KAZN: variants seen among roughly 807,000 people sequenced by gnomAD.
KAZN encodes kazrin, periplakin interacting protein.
In KAZN, 40 loss-of-function variants were observed where a neutral mutation model predicts 87.4. The observed-to-expected ratio is 0.46, with a 90% confidence interval of 0.36 to 0.60. The LOEUF is 0.60. KAZN is among the 20% of genes least tolerant of loss of function. KAZN has a pLI of 0.00. For missense variants in KAZN, 898 were observed against 1,073.9 expected (o/e 0.84, Z 2.29); for synonymous variants, 466 against 458.3 (o/e 1.02, Z -0.22).
chr1:14,243,554 G>C (rs1649177804), intron 2 of KAZN, among the ~76,000 whole-genome samples: 1 of 152,148 alleles, frequency 6.6e-6, no homozygotes, highest in African/African-American at 2.4e-5. Context: ...TAGGTGAGCA[G>C]GAAACAGTCA....
At chr1:14,890,758 C>T (rs923238683) in intron 1 of KAZN, among the ~76,000 whole-genome samples, 13 of 151,678 alleles carry the variant, frequency 8.6e-5, no homozygotes, top group Non-Finnish European at 1.5e-4. Context: ...CAAACTCCTA[C>T]GCTCAAGTAA....
At chr1:14,892,055 T>G (rs1203963857) in intron 1 of KAZN, among the ~76,000 whole-genome samples, 6 of 152,112 alleles carry the variant, frequency 3.9e-5, no homozygotes, top group Non-Finnish European at 8.8e-5. Context: ...GCCTCTGGCC[T>G]CTGGTGTGGT....
chr1:14,030,237 A>G (rs1254610199), intron 1 of KAZN, among the ~76,000 whole-genome samples: 1 of 151,662 alleles, frequency 6.6e-6, no homozygotes, highest in East Asian at 1.9e-4. Context: ...CTTTGAAGCA[A>G]TTGTGAATGG....
intron 2 of KAZN, among the ~76,000 whole-genome samples, chr1:14,188,343 C>T (rs906358853): frequency 6.6e-6 from 1 of 151,882 alleles, no homozygotes; most frequent in African/African-American, 2.4e-5. Flanking sequence ...TGAGATGTTG[C>T]AAAAGATATA....
chr1:15,069,202 C>T (rs905129594), intron 8 of KAZN, among the ~76,000 whole-genome samples: 3 of 152,118 alleles, frequency 2.0e-5, no homozygotes, highest in Non-Finnish European at 2.9e-5. Context: ...CAGACATCAC[C>T]AATCAATTGA....
At chr1:14,258,899 G>A (rs890120090) in intron 2 of KAZN, among the ~76,000 whole-genome samples, 5 of 152,156 alleles carry the variant, frequency 3.3e-5, no homozygotes, top group African/African-American at 7.2e-5. Flanking sequence ...GTCAACACAC[G>A]TTTATTGCAT....
intron 1 of KAZN, among the ~76,000 whole-genome samples, chr1:14,094,305 AT>A (rs1471993566): frequency 6.6e-6 from 1 of 152,164 alleles, no homozygotes; most frequent in Non-Finnish European, 1.5e-5. Flanking sequence ...CTGGAGGGCA[AT>A]TTGGAAAGCT....
At chr1:14,250,566 TA>T (rs201421355) in intron 2 of KAZN, among the ~76,000 whole-genome samples, 67 of 149,376 alleles carry the variant, frequency 4.5e-4, no homozygotes, top group African/African-American at 1.3e-3. Context: ...TTATGAGAGT[TA>T]AAAAAAAAGT....
At chr1:14,166,171 TG>T (rs770743234) in intron 1 of KAZN, among the ~76,000 whole-genome samples, 3 of 152,110 alleles carry the variant, frequency 2.0e-5, no homozygotes, top group Non-Finnish European at 4.4e-5. Flanking sequence ...AAAAATTAGC[TG>T]GGCATGGTGG....
At chr1:14,792,729 G>A (rs1257874902) in intron 1 of KAZN, among the ~76,000 whole-genome samples, 1 of 152,204 alleles carries the variant, frequency 6.6e-6, no homozygotes, top group Non-Finnish European at 1.5e-5. Flanking sequence ...TGTAATCCCA[G>A]CACTTTGGGA....
chr1:14,788,813 G>T (rs775373856), intron 1 of KAZN, among the ~76,000 whole-genome samples: 10 of 152,072 alleles, frequency 6.6e-5, no homozygotes, highest in Non-Finnish European at 1.3e-4. Context: ...GTACACGTAG[G>T]AGGTCACCTA....
rs181847619 is a variant in KAZN, at chr1:14,306,417, C to A, written c.249+125825C>A. Among the ~76,000 whole-genome samples the A allele has an allele frequency of 2.6e-5, 4 of 152,278 alleles. No individual in the cohort carries two copies. The East Asian group carries it at 5.8e-4, about 22-fold the overall frequency. ...CAATGTGACAGACTCACAGCCTCTC[C>A]AACAGGCCACTTAGAAACTATGGAG... On this transcript the variant is annotated intron_variant, in intron 2 of 16. Coordinates refer to the KAZN transcript ENST00000636203.
At chr1:14,110,185 G>A (rs751637015) in intron 1 of KAZN, among the ~76,000 whole-genome samples, 1 of 152,174 alleles carries the variant, frequency 6.6e-6, no homozygotes, top group Non-Finnish European at 1.5e-5. Flanking sequence ...CCTTGGCCCT[G>A]TGCTCTCCAC....
rs1438376906 is a variant in KAZN, at chr1:14,247,521, C to A, written c.249+66929C>A. Among the ~76,000 whole-genome samples, 4 of 152,148 alleles carry A rather than the reference C, an allele frequency of 2.6e-5. No homozygotes were observed. In the South Asian group the frequency reaches 8.3e-4, roughly 32 times the overall value. On this transcript the variant is annotated intron_variant, in intron 2 of 16. Transcript: ENST00000636203. Reference sequence around the variant, plus strand: ...TTTATAAGTAAGAACATGAGGTGTTCGGTTTTCTGTTCCTGCATTAGTTTG... The same window carrying A: ...TTTATAAGTAAGAACATGAGGTGTTAGGTTTTCTGTTCCTGCATTAGTTTG...
At chr1:14,148,613 G>A (rs1404740446) in intron 1 of KAZN, among the ~76,000 whole-genome samples, 2 of 151,954 alleles carry the variant, frequency 1.3e-5, no homozygotes, top group African/African-American at 4.8e-5. Context: ...CCATATTTTT[G>A]TTTTGTTTTG....
chr1:14,427,583 A>G lies in KAZN; in HGVS notation c.250-171400A>G, dbSNP rs796343047. Among the ~76,000 whole-genome samples, 8 of 142,166 alleles carry G rather than the reference A, an allele frequency of 5.6e-5. 1 individual carries two copies. The highest frequency in any genetic ancestry group is 2.0e-4 in the African/African-American group (8 of 39,644). 93.3% of individuals were successfully genotyped at this position (142,166 alleles called of 152,430 possible). On this transcript the variant is annotated intron_variant, in intron 2 of 16. Coordinates refer to the KAZN transcript ENST00000636203. ...AAATTAAAGGTACATATGTGTACAC[A>G]TATGTGTATACATGTATACTGTGTG...
chr1:14,502,535 C>T (rs567161599), intron 2 of KAZN, among the ~76,000 whole-genome samples: 11 of 152,164 alleles, frequency 7.2e-5, no homozygotes, highest in African/African-American at 2.7e-4. Context: ...TCTTTAGAGC[C>T]CTCTGTTCAG....
chr1:14,471,044 A>G (rs1668428446), intron 2 of KAZN, among the ~76,000 whole-genome samples: 1 of 152,212 alleles, frequency 6.6e-6, no homozygotes, highest in South Asian at 2.1e-4. Context: ...TTTCACACGC[A>G]GTCTAGCCTT....
In KAZN at chr1:15,094,083, T is replaced by G. The variant is rs778953870; in HGVS notation, c.1223-97T>G. 19 of 1,040,634 alleles carry G rather than the reference T, an allele frequency of 1.8e-5. No homozygotes were observed. Among genetic ancestry groups the G allele is most frequent in the Non-Finnish European group, 2.5e-5 (18 of 709,168 alleles). The allele number at this position is 1,040,634 out of a possible 1,614,324, so 64.5% of individuals were successfully genotyped here. A position where few individuals can be genotyped will look rare whatever the true frequency, so the allele number is the denominator to read the frequency against. On this transcript the variant is annotated intron_variant, in intron 8 of 14. Coordinates refer to ENST00000376030, the MANE Select transcript of KAZN (RefSeq NM_201628.3). The surrounding 1 kb of genome is among the most constrained non-coding windows in gnomAD (Gnocchi z 4.5). ...TGAAGAGAATACATGGAGGGGAGGA[T>G]GTCCCCACCACCCTCTGCCTCCCGG... is the stretch of plus-strand genomic sequence containing the variant.
Sources: allele counts gnomAD v4.1 joint callset (sites outside exome capture counted in the v4.1 genomes callset), GRCh38; gene constraint gnomAD v4.1.1; non-coding constraint Gnocchi (gnomAD v3.1); transcripts MANE v1.5; gene names NCBI Gene and HGNC (gene_info 2026-07-23, HGNC 2026-07-21).